Variants in POLDIP3 observed in about 807,000 individuals in gnomAD.
POLDIP3 encodes the protein polymerase delta-interacting protein 3.
A neutral mutation model predicts 45.1 loss-of-function variants in POLDIP3; 14 were observed. The ratio of observed to expected loss-of-function variants is 0.31; its 90% CI spans 0.20 to 0.49. The LOEUF (loss-of-function observed/expected upper bound fraction) is 0.49. Among genes scored for constraint, POLDIP3 ranks in the 20% least tolerant of loss-of-function variants. POLDIP3 has a pLI of 0.99. For missense variants in POLDIP3, 511 were observed against 538.8 expected, an observed-to-expected ratio of 0.95 and a Z score of 0.51; for synonymous variants, 223 against 205.2, an observed-to-expected ratio of 1.09 and a Z score of -0.74.
chr22:42,612,178 G>A (rs919341639), intron 1 of POLDIP3, among the ~76,000 whole-genome samples: 1 of 152,196 alleles, frequency 6.6e-6, no homozygotes, highest in Non-Finnish European at 1.5e-5. Context: ...TTTACTTTAA[G>A]AAGCCTTCAA....
Position 42,585,415 on chromosome 22 carries a change from C to T in POLDIP3, c.*376G>A. 1 of 364,214 alleles carries T rather than the reference C, an allele frequency of 2.7e-6. No homozygotes were observed. The highest frequency in any genetic ancestry group is 5.4e-6 in the Non-Finnish European group (1 of 183,802). 22.6% of individuals were successfully genotyped at this position (364,214 alleles called of 1,614,324 possible). A position where few individuals can be genotyped will look rare whatever the true frequency, so the allele number is the denominator to read the frequency against. Reference sequence around the variant, plus strand: ...GCAGCCCCTCGGCCCCTGGAAAAAGCAGGGTCCTTCAGACAGCCCCCACGC... The same window carrying T: ...GCAGCCCCTCGGCCCCTGGAAAAAGTAGGGTCCTTCAGACAGCCCCCACGC... On this transcript the variant is annotated 3_prime_UTR_variant, in exon 9 of 9. Coordinates refer to ENST00000252115, the MANE Select transcript of POLDIP3 (RefSeq NM_032311.5).
At position 42,609,999 on chromosome 22, in the gene POLDIP3, C is replaced by G. The variant is rs1569306605; in HGVS notation, c.59+4800G>C. On this transcript the variant is annotated intron_variant, in intron 1 of 8. Transcript: ENST00000252115. ...ACCAGCCTGGCCAACATGGTGAAAC[C>G]CTGTCTCTACTAAAAATACAAAAAA... 6.6e-5 allele frequency among the ~76,000 whole-genome samples: 10 copies of G among 152,194 alleles called. No homozygotes were observed. The South Asian group carries it at 2.1e-3, about 32-fold the overall frequency.
At chr22:42,613,473 C>T (rs1465212317) in intron 1 of POLDIP3, among the ~76,000 whole-genome samples, 1 of 152,092 alleles carries the variant, frequency 6.6e-6, no homozygotes, top group Admixed American at 6.5e-5. Context: ...TAAACATCTG[C>T]GGAATGGCCG....
rs757807804 is a variant in POLDIP3 at position 42,596,363 on chromosome 22, A to C, written c.636T>G (p.Ala212=). The part of the protein sequence containing the change: ...AASGGFLHHM[A]GLSSSKLSMS... ...TGGAAAGCTTGGAACTGCTTAGCCC[A>C]GCCTAAACGAAGAGACAGAAAAGAA... Residue 212 remains alanine (A), a splice_region_variant and synonymous_variant, in exon 5 of 9, where the codon GCT becomes GCG. Coordinates refer to ENST00000252115, the MANE Select transcript of POLDIP3 (RefSeq NM_032311.5). 1 of 1,612,926 alleles carries C rather than the reference A, an allele frequency of 6.2e-7. No homozygotes were observed. Among genetic ancestry groups the C allele is most frequent in the South Asian group, 1.1e-5 (1 of 90,934 alleles).
intron 4 of POLDIP3, chr22:42,597,769 C>T (rs1253972325): frequency 8.9e-6 from 4 of 449,562 alleles, no homozygotes; most frequent in Non-Finnish European, 1.8e-5. Context: ...CATCATTCAG[C>T]TTCACGACCT....
intron 4 of POLDIP3, among the ~76,000 whole-genome samples, 154 bp downstream of exon 4, chr22:42,599,544 C>T (rs1407429150): frequency 6.6e-6 from 1 of 152,192 alleles, no homozygotes; most frequent in African/African-American, 2.4e-5. Flanking sequence ...ACGGAGGTTG[C>T]AGTGAGCCAA....
chr22:42,596,889 T>A (rs563189658), intron 4 of POLDIP3, among the ~76,000 whole-genome samples: 6 of 151,900 alleles, frequency 3.9e-5, no homozygotes, highest in Non-Finnish European at 7.4e-5. Flanking sequence ...GCCTGTGGAG[T>A]AGCCATTCTT....
intron 4 of POLDIP3, chr22:42,597,778 C>CTT: frequency 4.7e-6 from 2 of 425,784 alleles, no homozygotes. Flanking sequence ...GCTTCACGAC[C>CTT]TCTTTTTTTT....
chr22:42,614,816 C>A lies in POLDIP3; in HGVS notation c.42G>T (p.Gly14=), dbSNP rs754004279. The A allele has an allele frequency of 6.2e-7, 1 of 1,614,098 alleles. No individual in the cohort carries two copies. The highest frequency in any genetic ancestry group is 1.7e-5 in the Admixed American group (1 of 60,032). The part of the protein sequence containing the change: ...ISLDELIRKR[G]AAAKGRLNAR... ...CCTCTCACCGTCCTTTCGCCGCCGC[C>A]CCGCGCTTCCTGATGAGTTCGTCCA... The change falls in exon 1 of 9, where the codon GGG becomes GGT. Residue 14 remains glycine (G), a synonymous_variant. Coordinates refer to ENST00000252115, the MANE Select transcript of POLDIP3 (RefSeq NM_032311.5).
rs1569292776 is a variant in POLDIP3 at position 42,584,860 on chromosome 22, C to T, written c.*931G>A. ...GACAACTGAGGCCAGAAATGGAGAG[C>T]CAGGAACAAACTGACCTCTTCCATT... On this transcript the variant is annotated 3_prime_UTR_variant, in exon 9 of 9. Coordinates refer to ENST00000252115, the MANE Select transcript of POLDIP3 (RefSeq NM_032311.5). 5 of 455,628 alleles carry T rather than the reference C, an allele frequency of 1.1e-5. No individual in the cohort carries two copies. The allele number at this position is 455,628 out of a possible 1,614,324, so 28.2% of individuals were successfully genotyped here.
At chr22:42,605,820 T>G (rs1035234956) in intron 1 of POLDIP3, among the ~76,000 whole-genome samples, 1 of 152,164 alleles carries the variant, frequency 6.6e-6, no homozygotes, top group Non-Finnish European at 1.5e-5. Context: ...ATAGACAAAC[T>G]GGGACTATGC....
chr22:42,585,894 T>C lies in POLDIP3; in HGVS notation c.1163A>G (p.Asn388Ser), dbSNP rs772097214. The C allele has an allele frequency of 1.2e-6, 2 of 1,612,954 alleles. No individual in the cohort carries two copies. Among genetic ancestry groups the C allele is most frequent in the African/African-American group, 1.3e-5 (1 of 74,784 alleles). The change falls in exon 9 of 9, where the codon AAC (asparagine) becomes AGC (serine). Residue 388 changes from asparagine to serine, a missense_variant. Physicochemically the swap from Asn to Ser is conservative, Grantham distance 46. Around this residue, in one of 4 missense-constraint regions of POLDIP3, gnomAD observed 45 missense variants for 34.3 expected, o/e 1.31. Transcript: ENST00000252115. ...PRRVNSASSS[N>S]PPAEVDPDTI... ...GTCAGGGTCCACTTCGGCAGGGGGG[T>C]TGGAGGAGGAGGCAGAGTTCACCCT... is the stretch of plus-strand genomic sequence containing the variant.
chr22:42,594,649 T>TG (rs1358200650), intron 6 of POLDIP3, among the ~76,000 whole-genome samples: 1 of 152,260 alleles, frequency 6.6e-6, no homozygotes, highest in African/African-American at 2.4e-5. Flanking sequence ...AAAGGATGCC[T>TG]GGATTTCTAA....
chr22:42,613,888 T>G (rs758996968), intron 1 of POLDIP3, among the ~76,000 whole-genome samples: 23 of 152,250 alleles, frequency 1.5e-4, no homozygotes, highest in Admixed American at 7.9e-4. Context: ...GGGAAACTAT[T>G]GGGCAAAGTT....
Position 42,595,555 on chromosome 22 carries a change from G to A in POLDIP3, c.873C>T (p.Val291=). 2 of 1,613,956 alleles carry A rather than the reference G, an allele frequency of 1.2e-6. No homozygotes were observed. Among genetic ancestry groups the A allele is most frequent in the Admixed American group, 1.7e-5 (1 of 60,028 alleles). Reference sequence around the variant, plus strand: ...TACTTACAACAATGTCCTCCTCAGTGACTCGAGGGTGCAGATTATTCACAG... The same window carrying A: ...TACTTACAACAATGTCCTCCTCAGTAACTCGAGGGTGCAGATTATTCACAG... ...KMTVNNLHPR[V]TEEDIVELFC... The change falls in exon 6 of 9, where the codon GTC becomes GTT. Residue 291 remains valine, a synonymous_variant. Transcript: ENST00000252115.
In POLDIP3 at chr22:42,585,530, G is replaced by T; in HGVS notation, c.*261C>A. 2.1e-6 allele frequency: 1 copy of T among 477,308 alleles called. No homozygotes were observed. The allele number at this position is 477,308 out of a possible 1,614,324, so 29.6% of individuals were successfully genotyped here. A position where few individuals can be genotyped will look rare whatever the true frequency, so the allele number is the denominator to read the frequency against. On this transcript the variant is annotated 3_prime_UTR_variant, in exon 9 of 9. Coordinates refer to ENST00000252115, the MANE Select transcript of POLDIP3 (RefSeq NM_032311.5). Reference sequence around the variant, plus strand: ...TCAGCTTGGGGCTGAGGCTCGGGGAGGCACACACTGAAAAACACAAGCCTA... The same window carrying T: ...TCAGCTTGGGGCTGAGGCTCGGGGATGCACACACTGAAAAACACAAGCCTA...
chr22:42,594,388 C>G (rs1925857898), intron 6 of POLDIP3, among the ~76,000 whole-genome samples: 2 of 151,148 alleles, frequency 1.3e-5, no homozygotes. Flanking sequence ...GCAGGCGCCT[C>G]TAATCCCAGC....
At chr22:42,614,142 T>A (rs1927305418) in intron 1 of POLDIP3, among the ~76,000 whole-genome samples, 1 of 152,192 alleles carries the variant, frequency 6.6e-6, no homozygotes, top group African/African-American at 2.4e-5. Flanking sequence ...CGCTCAGTTC[T>A]CCGTGGCCTC....
chr22:42,597,674 G>A (rs1235748785), intron 4 of POLDIP3: 1 of 468,876 alleles, frequency 2.1e-6, no homozygotes, highest in African/African-American at 2.0e-5. Flanking sequence ...GAGACTCACT[G>A]AGCAAGCTGA....
Sources: allele counts gnomAD v4.1 joint callset (sites outside exome capture counted in the v4.1 genomes callset), GRCh38; gene constraint gnomAD v4.1.1; regional missense constraint gnomAD v4.1.1; transcripts MANE v1.5; gene names NCBI Gene and HGNC (gene_info 2026-07-23, HGNC 2026-07-21).